Variants in FARP1 observed in about 807,000 individuals in gnomAD.
FARP1 encodes the protein FERM, ARH/RhoGEF and pleckstrin domain protein 1.
FARP1 carries 52 observed loss-of-function variants against 128.8 expected under a neutral mutation model. The observed-to-expected ratio is 0.40, with a 90% CI of 0.32 to 0.51. The LOEUF (loss-of-function observed/expected upper bound fraction) is 0.51. Ranked by LOEUF, FARP1 falls within the 20% of genes least tolerant of loss-of-function variation. The pLI is 0.45. For missense variants in FARP1, 1,333 were observed against 1,367.9 expected (o/e 0.97, Z 0.40); for synonymous variants, 580 against 551.8 (o/e 1.05, Z -0.72).
chr13:98,412,161 C>T, intron 16 of FARP1, 127 bp downstream of exon 16: 2 of 859,750 alleles, frequency 2.3e-6, no homozygotes, highest in Non-Finnish European at 3.7e-6. Flanking sequence ...TACAACAAGT[C>T]AGCCTTCAAA....
At chr13:98,446,348 G>A (rs1892834720) in intron 25 of FARP1, 143 bp downstream of exon 25, 3 of 623,050 alleles carry the variant, frequency 4.8e-6, no homozygotes, top group Admixed American at 5.8e-5. Flanking sequence ...GGGGGGCCCT[G>A]TCCACCCGAG....
intron 2 of FARP1, among the ~76,000 whole-genome samples, chr13:98,281,598 T>C (rs1884940364): frequency 1.3e-5 from 2 of 152,132 alleles, no homozygotes; most frequent in Non-Finnish European, 2.9e-5. Flanking sequence ...TCACTAAAAG[T>C]GGAGCATCAA....
rs759904632 is a variant in FARP1, at chr13:98,193,449, C to T, written c.-23-19771C>T. On this transcript the variant is annotated intron_variant, in intron 1 of 26. Coordinates refer to ENST00000319562, the MANE Select transcript of FARP1 (RefSeq NM_005766.4). ...TCAGAGTGCGTGGGATCGTAGTCTA[C>T]GAAGTGATGTCTTGTGTAGAGCAAT... is the stretch of plus-strand genomic sequence containing the variant. Among the ~76,000 whole-genome samples the T allele has an allele frequency of 5.3e-5, 8 of 152,304 alleles. No homozygotes were observed. The South Asian group carries it at 6.2e-4, about 12-fold the overall frequency.
At chr13:98,403,796 C>T (rs1890866992) in intron 13 of FARP1, 1 of 152,236 alleles carries the variant, frequency 6.6e-6, no homozygotes, top group South Asian at 2.1e-4. Flanking sequence ...AGGCCAAGCT[C>T]ATGTCACAGT....
chr13:98,213,783 T>A (rs1001444863), intron 2 of FARP1, among the ~76,000 whole-genome samples: 2 of 152,144 alleles, frequency 1.3e-5, no homozygotes, highest in Admixed American at 1.3e-4. Context: ...TCATAGACAA[T>A]TCCTCTCTCA....
intron 2 of FARP1, among the ~76,000 whole-genome samples, chr13:98,309,227 C>G (rs188301176): frequency 3.4e-5 from 4 of 118,548 alleles, no homozygotes; most frequent in African/African-American, 1.3e-4. Context: ...AGTGCAGTGG[C>G]GCAATCTCGG....
At chr13:98,344,564 G>A (rs1406265560) in intron 3 of FARP1, among the ~76,000 whole-genome samples, 18 of 152,174 alleles carry the variant, frequency 1.2e-4, no homozygotes, top group African/African-American at 3.9e-4. Context: ...CCTGGAGCAC[G>A]GGAAAGAGAT....
intron 1 of FARP1, among the ~76,000 whole-genome samples, chr13:98,144,243 G>C (rs1875336637): frequency 6.6e-6 from 1 of 151,910 alleles, no homozygotes; most frequent in African/African-American, 2.4e-5. Flanking sequence ...TTGAGGGGGG[G>C]AAATACGAAT....
intron 18 of FARP1, among the ~76,000 whole-genome samples, chr13:98,435,253 C>T (rs950992348): frequency 1.3e-5 from 2 of 152,050 alleles, no homozygotes; most frequent in African/African-American, 4.8e-5. Context: ...AAGTCTCTAC[C>T]CAGGGACAAA....
intron 1 of FARP1, among the ~76,000 whole-genome samples, chr13:98,145,861 CAAAAAAAAAA>C (rs140525790): frequency 3.0e-5 from 4 of 131,218 alleles, no homozygotes; most frequent in African/African-American, 1.2e-4. Flanking sequence ...GACTCTGTCT[CAAAAAAAAAA>C]AAAAAAAAGA....
At chr13:98,386,155 A>AG in intron 8 of FARP1, among the ~76,000 whole-genome samples, 1 of 147,968 alleles carries the variant, frequency 6.8e-6, no homozygotes, top group Non-Finnish European at 1.5e-5. Flanking sequence ...CCTTTTTCAC[A>AG]CTTACAGATG....
intron 2 of FARP1, among the ~76,000 whole-genome samples, chr13:98,264,040 C>CA (rs1258650358): frequency 3.3e-5 from 5 of 152,178 alleles, no homozygotes; most frequent in African/African-American, 9.7e-5. Flanking sequence ...AAGCACTGGG[C>CA]AAAAGTGTGT....
intron 3 of FARP1, among the ~76,000 whole-genome samples, chr13:98,357,635 A>G (rs1280971528): frequency 6.6e-6 from 1 of 152,174 alleles, no homozygotes; most frequent in Non-Finnish European, 1.5e-5. Context: ...CTTTTCAAAC[A>G]TATGGAATAT....
At chr13:98,324,208 C>T (rs1887130045) in intron 2 of FARP1, among the ~76,000 whole-genome samples, 1 of 152,022 alleles carries the variant, frequency 6.6e-6, no homozygotes. Flanking sequence ...TCATTTGTGG[C>T]TTGGAAAGAA....
intron 2 of FARP1, among the ~76,000 whole-genome samples, chr13:98,268,071 C>T (rs935911105): frequency 1.3e-5 from 2 of 152,178 alleles, no homozygotes; most frequent in African/African-American, 2.4e-5. Context: ...CGCTGCAGAA[C>T]GGAAACTCTG....
chr13:98,375,986 G>A (rs2140003156), intron 5 of FARP1, among the ~76,000 whole-genome samples: 1 of 152,228 alleles, frequency 6.6e-6, no homozygotes, highest in Non-Finnish European at 1.5e-5. Flanking sequence ...CTGTTCTCAG[G>A]CAGCAGGTAA....
At position 98,277,150 on chromosome 13, in the gene FARP1, C is replaced by CACACACACACACACACACACA. The variant is rs1566824337; in HGVS notation, c.171+63737_171+63738insACACACACACACACACACACA. ...CACACACACACACACACACACACAC[C>CACACACACACACACACACACA]CCATATGTATATATTAGAAGCAGGG... On this transcript the variant is annotated intron_variant, in intron 2 of 26. Coordinates refer to ENST00000319562, the MANE Select transcript of FARP1 (RefSeq NM_005766.4). Among the ~76,000 whole-genome samples, 116 of 11,726 alleles carry CACACACACACACACACACACA rather than the reference C, an allele frequency of 9.9e-3. 2 individuals carry two copies. The highest frequency in any genetic ancestry group is 0.016 in the African/African-American group (104 of 6,644). The allele number at this position is 11,726 out of a possible 152,430, so 7.7% of individuals were successfully genotyped here.
At chr13:98,278,905 A>G (rs1884795364) in intron 2 of FARP1, among the ~76,000 whole-genome samples, 1 of 151,830 alleles carries the variant, frequency 6.6e-6, no homozygotes, top group Non-Finnish European at 1.5e-5. Flanking sequence ...GGCTCACTGC[A>G]ACCTCCGCCT....
At chr13:98,220,109 G>C (rs1381772179) in intron 2 of FARP1, among the ~76,000 whole-genome samples, 1 of 152,064 alleles carries the variant, frequency 6.6e-6, no homozygotes, top group Admixed American at 6.6e-5. Flanking sequence ...GGTCTTGAGG[G>C]GGCGGGGTCT....
Sources: allele counts gnomAD v4.1 joint callset (sites outside exome capture counted in the v4.1 genomes callset), GRCh38; gene constraint gnomAD v4.1.1; transcripts MANE v1.5; gene names NCBI Gene and HGNC (gene_info 2026-07-23, HGNC 2026-07-21).